The following LIMCH1 variants were observed in gnomAD, a reference collection of about 807,000 sequenced individuals.
LIMCH1 encodes LIM and calponin homology domains-containing protein 1.
LIMCH1 carries 113 observed loss-of-function variants against 176.5 expected under a neutral mutation model. The observed-to-expected ratio is 0.64, with a 90% CI of 0.55 to 0.75. The LOEUF (loss-of-function observed/expected upper bound fraction) is 0.75. Ranked by LOEUF, LIMCH1 falls within the 30% of genes least tolerant of loss-of-function variation. The pLI is 0.00. For synonymous variants in LIMCH1, 619 were observed against 645.9 expected, an observed-to-expected ratio of 0.96 and a Z score of 0.63; for missense variants, 1,674 against 1,814.9, an observed-to-expected ratio of 0.92 and a Z score of 1.41.
chr4:41,609,742 T>C, intron 4 of LIMCH1: 1 of 440,704 alleles, frequency 2.3e-6, no homozygotes, highest in Non-Finnish European at 4.5e-6. Context: ...TCAGTAGCAG[T>C]TAGCACAAGG....
chr4:41,681,012 G>T lies in LIMCH1; in HGVS notation c.3670G>T (p.Asp1224Tyr). 6.2e-7 allele frequency: 1 copy of T among 1,612,914 alleles called. No homozygotes were observed. The highest frequency in any genetic ancestry group is 1.1e-5 in the South Asian group (1 of 90,976). Residue 1224 changes from aspartate (D) to tyrosine (Y), a missense_variant, in exon 25 of 32, where the codon GAC (aspartate) becomes TAC (tyrosine). Transcript: ENST00000503057. ...ATTTACTGTTTCTTCAAGTTCCGCT[G>T]ACCAGCTGTCTACCTCTTCCTCCAT... ...VPFTVSSSSA[D>Y]QLSTSSSMTE... is the part of the protein sequence containing the mutation.
chr4:41,564,416 G>A (rs1436733988), intron 1 of LIMCH1, among the ~76,000 whole-genome samples: 1 of 152,114 alleles, frequency 6.6e-6, no homozygotes, highest in Non-Finnish European at 1.5e-5. Context: ...CTGCTATTTG[G>A]GAACATTTAT....
At chr4:41,405,650 T>A (rs1357660628) in intron 1 of LIMCH1, among the ~76,000 whole-genome samples, 1 of 152,142 alleles carries the variant, frequency 6.6e-6, no homozygotes, top group Non-Finnish European at 1.5e-5. Context: ...CAGTAACTTG[T>A]GCATAGTAGC....
intron 1 of LIMCH1, among the ~76,000 whole-genome samples, chr4:41,542,074 T>G (rs2078740808): frequency 6.6e-6 from 1 of 152,140 alleles, no homozygotes; most frequent in South Asian, 2.1e-4. Flanking sequence ...CTGGGCTGGA[T>G]GGGAGCTCTG....
Position 41,497,449 on chromosome 4 carries a change from C to T in LIMCH1, c.167+2843C>T, listed in dbSNP as rs2072394520. ...AAGGAATATTATTATACCTATTTTACAGAGAAAGTAACTGAGGTACAAAGG... is the reference window on the plus strand; with the variant it reads ...AAGGAATATTATTATACCTATTTTATAGAGAAAGTAACTGAGGTACAAAGG... On this transcript the variant is annotated intron_variant, in intron 2 of 26. Coordinates refer to the LIMCH1 transcript ENST00000313860. Among the ~76,000 whole-genome samples, 7 of 152,202 alleles carry T rather than the reference C, an allele frequency of 4.6e-5. No homozygotes were observed. In the South Asian group the frequency reaches 1.5e-3, roughly 32 times the overall value.
At chr4:41,499,514 T>C (rs886877568) in intron 2 of LIMCH1, among the ~76,000 whole-genome samples, 2 of 152,200 alleles carry the variant, frequency 1.3e-5, no homozygotes, top group Admixed American at 6.5e-5. Context: ...TCCTTTATAC[T>C]GATTTTTTAA....
intron 21 of LIMCH1, among the ~76,000 whole-genome samples, chr4:41,669,115 C>A (rs951182626): frequency 5.3e-5 from 8 of 152,118 alleles, no homozygotes; most frequent in African/African-American, 1.4e-4. Flanking sequence ...AGACAAAATG[C>A]CTGGGTTCAA....
At position 41,538,298 on chromosome 4, in the gene LIMCH1, T is replaced by A. The variant is rs1264497659; in HGVS notation, c.-293T>A. 30 of 985,102 alleles carry A rather than the reference T, an allele frequency of 3.0e-5. No individual in the cohort carries two copies. The highest frequency in any genetic ancestry group is 1.2e-6 in the Non-Finnish European group (1 of 829,902). The allele number at this position is 985,102 out of a possible 1,614,324, so 61.0% of individuals were successfully genotyped here. Reference sequence around the variant, plus strand: ...GCACACAGGAGAGATGCCCCTCCCATCTCCCAGAGTGGGTTGGCTGGAGTT... The same window carrying A: ...GCACACAGGAGAGATGCCCCTCCCAACTCCCAGAGTGGGTTGGCTGGAGTT... On this transcript the variant is annotated 5_prime_UTR_variant, in exon 1 of 32. Coordinates refer to ENST00000503057, the MANE Select transcript of LIMCH1 (RefSeq NM_001330672.2).
chr4:41,437,180 G>A (rs145223622), intron 1 of LIMCH1, among the ~76,000 whole-genome samples: 1 of 152,262 alleles, frequency 6.6e-6, no homozygotes, highest in Non-Finnish European at 1.5e-5. Flanking sequence ...AGTGCTGATC[G>A]GCTGCCTTTT....
At chr4:41,669,429 C>G (rs1306006714) in intron 21 of LIMCH1, among the ~76,000 whole-genome samples, 1 of 152,110 alleles carries the variant, frequency 6.6e-6, no homozygotes, top group Admixed American at 6.5e-5. Flanking sequence ...TTGTGGAGAT[C>G]GGGTTTTTCA....
intron 1 of LIMCH1, among the ~76,000 whole-genome samples, chr4:41,447,091 A>G (rs550985658): frequency 1.5e-4 from 23 of 152,252 alleles, no homozygotes; most frequent in African/African-American, 5.1e-4. Flanking sequence ...TTAGCTGGGC[A>G]TGGTGGCATG....
chr4:41,624,544 A>G (rs1561967856), intron 7 of LIMCH1, among the ~76,000 whole-genome samples: 1 of 145,558 alleles, frequency 6.9e-6, no homozygotes, highest in Non-Finnish European at 1.5e-5. Flanking sequence ...CGGTTTTGCC[A>G]TTTTTAAAGG....
At chr4:41,628,200 A>G (rs2093092209) in intron 8 of LIMCH1, among the ~76,000 whole-genome samples, 1 of 152,226 alleles carries the variant, frequency 6.6e-6, no homozygotes, top group South Asian at 2.1e-4. Context: ...ACTTTTGGAT[A>G]ACTGACTAAC....
intron 1 of LIMCH1, among the ~76,000 whole-genome samples, chr4:41,579,911 G>T (rs2085129561): frequency 6.6e-6 from 1 of 152,162 alleles, no homozygotes; most frequent in Admixed American, 6.5e-5. Flanking sequence ...TACCAGGGCT[G>T]CAGAGGAGCT....
At chr4:41,634,902 C>G (rs1218400378) in intron 13 of LIMCH1, among the ~76,000 whole-genome samples, 7 of 152,212 alleles carry the variant, frequency 4.6e-5, no homozygotes. Context: ...CACAGTTACT[C>G]ACTTTCCAGA....
At chr4:41,674,471 G>C (rs1489621629) in intron 22 of LIMCH1, among the ~76,000 whole-genome samples, 2 of 152,166 alleles carry the variant, frequency 1.3e-5, no homozygotes, top group Non-Finnish European at 2.9e-5. Context: ...ATTAAATTCC[G>C]ATAGAATTTC....
intron 1 of LIMCH1, among the ~76,000 whole-genome samples, chr4:41,425,673 C>A (rs1246607711): frequency 1.3e-5 from 2 of 152,168 alleles, no homozygotes; most frequent in Non-Finnish European, 2.9e-5. Flanking sequence ...TTCTTACCAC[C>A]CCATCTCTTT....
At chr4:41,613,347 A>G in intron 4 of LIMCH1, 119 bp from the exon 5 acceptor site, 1 of 904,372 alleles carries the variant, frequency 1.1e-6, no homozygotes, top group Non-Finnish European at 1.7e-6. Context: ...ACTGGTTTCC[A>G]CAACCTTTCC....
chr4:41,673,382 C>T lies in LIMCH1; in HGVS notation c.3438+1788C>T, dbSNP rs895609393. 4.0e-4 allele frequency among the ~76,000 whole-genome samples: 61 copies of T among 152,090 alleles called. 2 individuals are homozygous for T. Among genetic ancestry groups the T allele is most frequent in the Non-Finnish European group, 2.9e-5 (2 of 68,020 alleles). Reference sequence around the variant, plus strand: ...GTAGGGGTGGAGAGGAAGGGCATTCCAAAGAAACACATTCGCATTTCTTGT... The same window carrying T: ...GTAGGGGTGGAGAGGAAGGGCATTCTAAAGAAACACATTCGCATTTCTTGT... On this transcript the variant is annotated intron_variant, in intron 22 of 31. Transcript: ENST00000503057.
Sources: allele counts gnomAD v4.1 joint callset (sites outside exome capture counted in the v4.1 genomes callset), GRCh38; gene constraint gnomAD v4.1.1; transcripts MANE v1.5; gene names NCBI Gene and HGNC (gene_info 2026-07-23, HGNC 2026-07-21).